Variants in CATSPERT observed in about 807,000 individuals in gnomAD.
The protein encoded by CATSPERT is catsper channel auxiliary subunit tau, also known as cation channel sperm-associated targeting subunit tau.
At chr2:201,519,133 T>A in the CATSPERT span, among the ~76,000 whole-genome samples, 1 of 152,264 alleles carries the variant, frequency 6.6e-6, no homozygotes, top group South Asian at 2.1e-4. Flanking sequence ...CCAAATCCCA[T>A]AAGCTGAATC....
the CATSPERT span, among the ~76,000 whole-genome samples, chr2:201,563,300 G>A: frequency 1.3e-4 from 17 of 130,226 alleles, no homozygotes; most frequent in East Asian, 6.9e-4. Flanking sequence ...CGGACGGGGC[G>A]GCTGGCCGGG....
the CATSPERT span, among the ~76,000 whole-genome samples, chr2:201,613,226 G>C: frequency 6.6e-6 from 1 of 152,236 alleles, no homozygotes; most frequent in Non-Finnish European, 1.5e-5. Flanking sequence ...CACGGAGTTT[G>C]AGATCTGAGA....
the CATSPERT span, among the ~76,000 whole-genome samples, chr2:201,501,461 T>G: frequency 6.8e-6 from 1 of 147,594 alleles, no homozygotes; most frequent in East Asian, 2.0e-4. Flanking sequence ...GTTAAGGAAC[T>G]ATGTATACAT....
At chr2:201,493,670 A>G in the CATSPERT span, 4 of 1,537,182 alleles carry the variant, frequency 2.6e-6, no homozygotes, top group Non-Finnish European at 3.5e-6. Flanking sequence ...TGATTTTCCA[A>G]GTTCATTGGT....
chr2:201,525,097 A>G, the CATSPERT span, among the ~76,000 whole-genome samples: 2 of 152,190 alleles, frequency 1.3e-5, no homozygotes, highest in Non-Finnish European at 2.9e-5. Context: ...TAAACTTGAC[A>G]TTTGACCAAG....
the CATSPERT span, among the ~76,000 whole-genome samples, chr2:201,506,576 C>T: frequency 6.6e-6 from 1 of 152,118 alleles, no homozygotes; most frequent in Non-Finnish European, 1.5e-5. Context: ...GTTTTTGAGA[C>T]GGAGTCTTGC....
At chr2:201,550,365 C>A in the CATSPERT span, 1 of 152,104 alleles carries the variant, frequency 6.6e-6, no homozygotes, top group Non-Finnish European at 1.5e-5. Context: ...CAACAATATG[C>A]CACAATTAGC....
the CATSPERT span, chr2:201,537,485 T>C: frequency 6.3e-7 from 1 of 1,581,076 alleles, no homozygotes; most frequent in Non-Finnish European, 8.6e-7. Flanking sequence ...GATATCTGCT[T>C]AAACAATTAA....
the CATSPERT span, chr2:201,492,148 G>A: frequency 1.3e-5 from 20 of 1,525,556 alleles, no homozygotes; most frequent in East Asian, 2.5e-5. Flanking sequence ...CTCAGAAACC[G>A]TTTGTAAAGT....
At chr2:201,576,808 T>C in the CATSPERT span, among the ~76,000 whole-genome samples, 1 of 152,204 alleles carries the variant, frequency 6.6e-6, no homozygotes, top group Admixed American at 6.5e-5. Flanking sequence ...TGGGCCTGGT[T>C]ACCTCTAACC....
chr2:201,556,043 T>C, the CATSPERT span: 1 of 152,208 alleles, frequency 6.6e-6, no homozygotes, highest in Non-Finnish European at 1.5e-5. Context: ...ACCTACATAC[T>C]GTTTTTAAAA....
the CATSPERT span, among the ~76,000 whole-genome samples, chr2:201,618,279 A>G: frequency 1.3e-5 from 2 of 152,338 alleles, no homozygotes; most frequent in Admixed American, 6.5e-5. Flanking sequence ...TTATGGCACT[A>G]TTCACAATGG....
chr2:201,579,168 T>C, the CATSPERT span, among the ~76,000 whole-genome samples: 1 of 152,214 alleles, frequency 6.6e-6, no homozygotes, highest in Admixed American at 6.5e-5. Context: ...TTAACAATTC[T>C]AGAATTTTTT....
the CATSPERT span, among the ~76,000 whole-genome samples, chr2:201,497,900 C>T: frequency 6.6e-6 from 1 of 152,070 alleles, no homozygotes; most frequent in Non-Finnish European, 1.5e-5. Context: ...CATGGCAATA[C>T]TAGAAATCAG....
At chr2:201,617,989 C>G in the CATSPERT span, among the ~76,000 whole-genome samples, 1 of 152,126 alleles carries the variant, frequency 6.6e-6, no homozygotes. Context: ...CAGAGAAATG[C>G]AAATCAAAAC....
the CATSPERT span, chr2:201,604,497 TA>T: frequency 5.4e-6 from 3 of 551,018 alleles, no homozygotes; most frequent in Non-Finnish European, 9.0e-6. Flanking sequence ...TTCTGACTCA[TA>T]AAAATGAAAA....
chr2:201,514,252 C>A, the CATSPERT span, among the ~76,000 whole-genome samples: 1 of 152,030 alleles, frequency 6.6e-6, no homozygotes, highest in Admixed American at 6.6e-5. Flanking sequence ...AAGCTACAGA[C>A]CTATATTTCT....
the CATSPERT span, chr2:201,603,227 T>C: frequency 6.2e-7 from 1 of 1,611,488 alleles, no homozygotes; most frequent in Non-Finnish European, 8.5e-7. Flanking sequence ...AGGATACTCT[T>C]AGGCATAAAA....
At chr2:201,530,961 GTTT>G in the CATSPERT span, among the ~76,000 whole-genome samples, 1 of 106,042 alleles carries the variant, frequency 9.4e-6, no homozygotes, top group African/African-American at 3.2e-5. Flanking sequence ...TTTTTTGTGG[GTTT>G]TTTTTTTTTT....
Sources: allele counts gnomAD v4.1 joint callset (sites outside exome capture counted in the v4.1 genomes callset), GRCh38; gene constraint gnomAD v4.1.1; transcripts MANE v1.5; gene names NCBI Gene and HGNC (gene_info 2026-07-23, HGNC 2026-07-21).